Variants in FBXL5 observed in about 807,000 individuals in gnomAD.
The protein encoded by FBXL5 is F-box/LRR-repeat protein 5.
Under a neutral mutation model 78.3 loss-of-function variants are expected in FBXL5, and 26 were observed. The ratio of observed to expected loss-of-function variants is 0.33; its 90% CI spans 0.24 to 0.46. The LOEUF (loss-of-function observed/expected upper bound fraction) is 0.46, where lower values mean the gene tolerates loss of function less well. Among genes scored for constraint, FBXL5 ranks in the 20% least tolerant of loss-of-function variants. FBXL5 has a pLI of 1.00. For missense variants in FBXL5, 710 were observed against 829.2 expected (o/e 0.86, Z 1.77); for synonymous variants, 295 against 282.5 (o/e 1.04, Z -0.45).
At chr4:15,616,152 C>T (rs560078306) in intron 9 of FBXL5, among the ~76,000 whole-genome samples, 3 of 152,172 alleles carry the variant, frequency 2.0e-5, no homozygotes, top group South Asian at 2.1e-4. Flanking sequence ...CAAGAAACTC[C>T]GAACACATCT....
intron 1 of FBXL5, among the ~76,000 whole-genome samples, chr4:15,668,724 T>C (rs1717645219): frequency 6.6e-6 from 1 of 152,004 alleles, no homozygotes; most frequent in Non-Finnish European, 1.5e-5. Context: ...AGGAAAAAAA[T>C]ACATTCAAGT....
At chr4:15,678,270 G>A (rs534603483) in intron 1 of FBXL5, among the ~76,000 whole-genome samples, 2 of 152,156 alleles carry the variant, frequency 1.3e-5, no homozygotes, top group Admixed American at 6.5e-5. Flanking sequence ...TAACAAGAAT[G>A]GCTTCATTAA....
At chr4:15,645,318 G>A (rs7657257) in intron 1 of FBXL5, among the ~76,000 whole-genome samples, 9,772 of 152,052 alleles carry the variant, frequency 0.064, 548 homozygotes, top group East Asian at 0.23. Context: ...AAAGTAGTGC[G>A]GATTATGCAT....
chr4:15,632,667 T>C (rs1314087089), intron 5 of FBXL5, among the ~76,000 whole-genome samples: 1 of 152,216 alleles, frequency 6.6e-6, no homozygotes, highest in Non-Finnish European at 1.5e-5. Context: ...TTTATTCTCT[T>C]TGTAGCAATT....
At chr4:15,667,506 T>TA (rs540040429) in intron 1 of FBXL5, among the ~76,000 whole-genome samples, 25 of 152,198 alleles carry the variant, frequency 1.6e-4, no homozygotes, top group Admixed American at 7.2e-4. Flanking sequence ...TGAATACTAT[T>TA]AAAAATAGTA....
chr4:15,651,296 T>G (rs111261243), intron 1 of FBXL5, among the ~76,000 whole-genome samples: 12 of 152,346 alleles, frequency 7.9e-5, no homozygotes, highest in Middle Eastern at 3.4e-3. Flanking sequence ...CCCATGGGCT[T>G]CCGAAGGGGA....
chr4:15,670,060 C>A (rs1454176609), intron 1 of FBXL5, among the ~76,000 whole-genome samples: 1 of 152,188 alleles, frequency 6.6e-6, no homozygotes, highest in African/African-American at 2.4e-5. Flanking sequence ...TTTTAACAAG[C>A]TTTATGGAGG....
chr4:15,627,121 C>G (rs1326583669), intron 7 of FBXL5, among the ~76,000 whole-genome samples, 166 bp from the exon 8 acceptor site: 1 of 145,314 alleles, frequency 6.9e-6, no homozygotes, highest in Admixed American at 7.3e-5. Context: ...GCTCAAATCC[C>G]TGAGAATCTC....
upstream of FBXL5, among the ~76,000 whole-genome samples, chr4:15,662,774 A>AT (rs988327133): frequency 2.0e-4 from 31 of 151,828 alleles, no homozygotes; most frequent in East Asian, 3.9e-4. Flanking sequence ...GTAAGATGTA[A>AT]TTTTTTTTTG....
intron 1 of FBXL5, among the ~76,000 whole-genome samples, chr4:15,672,767 T>C (rs1220340248): frequency 1.3e-5 from 2 of 152,198 alleles, no homozygotes; most frequent in Non-Finnish European, 2.9e-5. Flanking sequence ...ATGTTTTTCT[T>C]CAACAGTAAA....
chr4:15,606,532 T>C (rs1448261023), intron 10 of FBXL5, among the ~76,000 whole-genome samples: 3 of 152,106 alleles, frequency 2.0e-5, no homozygotes, highest in African/African-American at 7.2e-5. Flanking sequence ...TTAGAAAATA[T>C]CAAAGAAGAA....
At chr4:15,629,454 ATTC>A (rs944548711) in intron 6 of FBXL5, among the ~76,000 whole-genome samples, 6 of 152,146 alleles carry the variant, frequency 3.9e-5, no homozygotes, top group African/African-American at 1.4e-4. Flanking sequence ...GCAATTTTAA[ATTC>A]TTCTTGGCAT....
At chr4:15,648,125 G>A (rs1383908634) in intron 1 of FBXL5, among the ~76,000 whole-genome samples, 1 of 152,162 alleles carries the variant, frequency 6.6e-6, no homozygotes, top group Non-Finnish European at 1.5e-5. Flanking sequence ...CTGAGTTGCT[G>A]AGATTATAGG....
chr4:15,626,215 C>T (rs938848740), intron 8 of FBXL5, among the ~76,000 whole-genome samples: 26 of 152,018 alleles, frequency 1.7e-4, no homozygotes, highest in Admixed American at 5.2e-4. Context: ...ATTTGAGAGG[C>T]GTAAGGATTG....
upstream of FBXL5, among the ~76,000 whole-genome samples, chr4:15,658,941 T>C (rs115966207): frequency 7.3e-3 from 1,111 of 152,324 alleles, 7 homozygotes; most frequent in Non-Finnish European, 1.0e-2. Context: ...GAGCTTGAGA[T>C]ATAAAGTTGA....
chr4:15,680,741 A>T (rs1718211912), intron 1 of FBXL5, among the ~76,000 whole-genome samples: 1 of 152,068 alleles, frequency 6.6e-6, no homozygotes, highest in Admixed American at 6.5e-5. Flanking sequence ...GTGTAATCCT[A>T]CAAGAAGTAA....
intron 1 of FBXL5, among the ~76,000 whole-genome samples, chr4:15,666,896 A>AGTGCTAAATGT (rs1310670806): frequency 6.6e-6 from 1 of 152,170 alleles, no homozygotes; most frequent in Non-Finnish European, 1.5e-5. Context: ...AGGCAAATGG[A>AGTGCTAAATGT]GTGCTAAATG....
chr4:15,674,651 T>G (rs1717901811), intron 1 of FBXL5, among the ~76,000 whole-genome samples: 2 of 151,488 alleles, frequency 1.3e-5, no homozygotes, highest in Non-Finnish European at 2.9e-5. Flanking sequence ...ATGGGATTTT[T>G]GGGTTTTTTT....
intron 1 of FBXL5, among the ~76,000 whole-genome samples, chr4:15,673,853 T>C (rs1490063511): frequency 6.6e-6 from 1 of 152,206 alleles, no homozygotes; most frequent in Admixed American, 6.5e-5. Flanking sequence ...CCCCTCTCCC[T>C]GTACTATGGC....
Sources: allele counts gnomAD v4.1 joint callset (sites outside exome capture counted in the v4.1 genomes callset), GRCh38; gene constraint gnomAD v4.1.1; transcripts MANE v1.5; gene names NCBI Gene and HGNC (gene_info 2026-07-23, HGNC 2026-07-21).